The following NECTIN3 variants were observed in gnomAD, a reference collection of about 807,000 sequenced individuals.
NECTIN3 encodes nectin cell adhesion molecule 3.
In NECTIN3, 8 loss-of-function variants were observed where a neutral mutation model predicts 49.4. The ratio of observed to expected loss-of-function variants is 0.16; its 90% CI spans 0.10 to 0.29. The LOEUF is 0.29. Among genes scored for constraint, NECTIN3 ranks in the 10% least tolerant of loss-of-function variants. The pLI is 1.00. For missense variants in NECTIN3, 581 were observed against 654.6 expected, an observed-to-expected ratio of 0.89 and a Z score of 1.23; for synonymous variants, 277 against 241.1, an observed-to-expected ratio of 1.15 and a Z score of -1.38.
intron 1 of NECTIN3, among the ~76,000 whole-genome samples, chr3:111,089,684 G>C (rs1216513124): frequency 6.6e-6 from 1 of 152,062 alleles, no homozygotes; most frequent in African/African-American, 2.4e-5. Flanking sequence ...CCAATATGCA[G>C]TCAGTTTTGG....
At chr3:111,147,570 G>T (rs947547463) in intron 7 of NECTIN3, 7 of 1,108,860 alleles carry the variant, frequency 6.3e-6, no homozygotes, top group African/African-American at 4.8e-5. Flanking sequence ...TCAAAATGTT[G>T]TTTAGTCATT....
chr3:111,097,219 G>A lies in NECTIN3; in HGVS notation c.161-14811G>A, dbSNP rs965797746. 4.6e-5 allele frequency among the ~76,000 whole-genome samples: 7 copies of A among 152,116 alleles called. 1 individual carries two copies. Among genetic ancestry groups the A allele is most frequent in the Non-Finnish European group, 8.8e-5 (6 of 68,004 alleles). ...AGATCATTTTGGAGCTTTAAGTTTT[G>A]CCTGCCCCACTGGACTTCAGCCCCT... On this transcript the variant is annotated intron_variant, in intron 1 of 5. Transcript: ENST00000485303.
rs368854132 is a variant in NECTIN3, at chr3:111,165,065, G to C, written c.1221+17581G>C. Among the ~76,000 whole-genome samples the C allele has an allele frequency of 1.6e-3, 239 of 150,970 alleles. 1 individual carries two copies. Among genetic ancestry groups the C allele is most frequent in the African/African-American group, 5.7e-3 (234 of 41,128 alleles). ...TTTTTTATTTATTTATTTATTTTTT[G>C]AGACAGAGTCTCGCTCTGTCGCCCA... On this transcript the variant is annotated intron_variant, in intron 7 of 8. Coordinates refer to the NECTIN3 transcript ENST00000493615.
chr3:111,132,196 A>G (rs995343710), intron 5 of NECTIN3, among the ~76,000 whole-genome samples: 1 of 151,880 alleles, frequency 6.6e-6, no homozygotes, highest in Admixed American at 6.6e-5. Context: ...TCTTTGATTC[A>G]CTTAAATATA....
In NECTIN3 at chr3:111,134,595, TG is replaced by T; in HGVS notation, c.*381del. 3 of 940,074 alleles carry T rather than the reference TG, an allele frequency of 3.2e-6. No homozygotes were observed. The South Asian group carries it at 1.5e-4, about 46-fold the overall frequency. 58.2% of individuals were successfully genotyped at this position (940,074 alleles called of 1,614,324 possible). A position where few individuals can be genotyped will look rare whatever the true frequency, so the allele number is the denominator to read the frequency against. ...TTACCTAAGACTATAATCTCAAGTA[TG>T]ATGTTTGTTTAACATATACCTCTCA... is the stretch of plus-strand genomic sequence containing the variant. On this transcript the variant is annotated 3_prime_UTR_variant, in exon 6 of 6. Coordinates refer to ENST00000485303, the MANE Select transcript of NECTIN3 (RefSeq NM_015480.3).
At chr3:111,105,555 A>G (rs2033142154) in intron 1 of NECTIN3, among the ~76,000 whole-genome samples, 2 of 152,202 alleles carry the variant, frequency 1.3e-5, no homozygotes, top group African/African-American at 4.8e-5. Context: ...GGTCCTGCAT[A>G]AGGTCTGCTA....
chr3:111,185,584 T>A (rs1234070642), intron 7 of NECTIN3, among the ~76,000 whole-genome samples: 1 of 152,134 alleles, frequency 6.6e-6, no homozygotes, highest in African/African-American at 2.4e-5. Context: ...ACTTTTACAG[T>A]GCCTTGTGGA....
At chr3:111,102,443 C>T (rs908794090) in intron 1 of NECTIN3, among the ~76,000 whole-genome samples, 2 of 152,206 alleles carry the variant, frequency 1.3e-5, no homozygotes, top group Non-Finnish European at 2.9e-5. Context: ...CACATCAACT[C>T]CCTTGCCTGT....
At chr3:111,157,695 T>C (rs16857691) in intron 7 of NECTIN3, among the ~76,000 whole-genome samples, 2,401 of 152,028 alleles carry the variant, frequency 0.016, 72 homozygotes, top group African/African-American at 0.055. Context: ...TGGACTTAGC[T>C]GTTGTCTGTT....
intron 1 of NECTIN3, among the ~76,000 whole-genome samples, chr3:111,088,885 G>C (rs912813576): frequency 3.3e-5 from 5 of 152,066 alleles, no homozygotes; most frequent in African/African-American, 1.2e-4. Flanking sequence ...TCTTGTGTAA[G>C]AGTTTAAGAT....
At position 111,168,434 on chromosome 3, in the gene NECTIN3, A is replaced by G. The variant is rs369465112; in HGVS notation, c.1221+20950A>G. On this transcript the variant is annotated intron_variant, in intron 7 of 8. Transcript: ENST00000493615. ...GACTTTCTACCCCCGTTTCCCTTTTATATCTTATTACTAACATATATGTGT... is the reference window on the plus strand; with the variant it reads ...GACTTTCTACCCCCGTTTCCCTTTTGTATCTTATTACTAACATATATGTGT... 3.3e-5 allele frequency among the ~76,000 whole-genome samples: 5 copies of G among 151,642 alleles called. No individual in the cohort carries two copies. In the East Asian group the frequency reaches 7.7e-4, roughly 23 times the overall value.
At chr3:111,184,743 T>G (rs2035689219) in intron 7 of NECTIN3, among the ~76,000 whole-genome samples, 1 of 152,252 alleles carries the variant, frequency 6.6e-6, no homozygotes, top group Non-Finnish European at 1.5e-5. Flanking sequence ...TTTTCAATTG[T>G]TTGAATTTTG....
chr3:111,080,919 A>C (rs2031559534), intron 1 of NECTIN3, among the ~76,000 whole-genome samples: 1 of 152,200 alleles, frequency 6.6e-6, no homozygotes, highest in Non-Finnish European at 1.5e-5. Flanking sequence ...GGAAGAGTTA[A>C]AAATGAGACT....
chr3:111,122,966 A>G (rs2034016655), intron 4 of NECTIN3, among the ~76,000 whole-genome samples: 1 of 151,842 alleles, frequency 6.6e-6, no homozygotes, highest in Admixed American at 6.6e-5. Context: ...TTATTGTATA[A>G]TAAATATCCT....
intron 1 of NECTIN3, among the ~76,000 whole-genome samples, chr3:111,088,551 T>G (rs1269063223): frequency 2.0e-5 from 3 of 152,152 alleles, no homozygotes; most frequent in Non-Finnish European, 4.4e-5. Context: ...GGATATGATT[T>G]TTTCCCCCAT....
At chr3:111,108,198 C>G (rs566180464) in intron 1 of NECTIN3, among the ~76,000 whole-genome samples, 1 of 150,082 alleles carries the variant, frequency 6.7e-6, no homozygotes, top group Admixed American at 6.7e-5. Flanking sequence ...TAAAGCCAAA[C>G]ACCTTAAAAT....
At chr3:111,169,859 G>A (rs2035401125) in intron 7 of NECTIN3, among the ~76,000 whole-genome samples, 1 of 152,168 alleles carries the variant, frequency 6.6e-6, no homozygotes, top group Admixed American at 6.5e-5. Flanking sequence ...AATTTTGATG[G>A]TTATTGCTAA....
At chr3:111,074,532 GTTAAT>G (rs916502981) in intron 1 of NECTIN3, among the ~76,000 whole-genome samples, 3 of 152,002 alleles carry the variant, frequency 2.0e-5, no homozygotes, top group Non-Finnish European at 2.9e-5. Flanking sequence ...ACTTTATCGT[GTTAAT>G]TTAACTGTTA....
At chr3:111,096,397 T>A (rs1218336146) in intron 1 of NECTIN3, among the ~76,000 whole-genome samples, 4 of 152,182 alleles carry the variant, frequency 2.6e-5, no homozygotes, top group African/African-American at 9.7e-5. Context: ...TTTGGAAAAT[T>A]TGCAGCTTGA....
Sources: gnomAD v4.1 joint callset for allele counts (sites outside exome capture counted in the v4.1 genomes callset) on GRCh38, gnomAD v4.1.1 for gene constraint, MANE v1.5 for transcripts, NCBI Gene and HGNC (gene_info 2026-07-23, HGNC 2026-07-21) for gene names.